Variants in SLC6A6 observed in about 807,000 individuals in gnomAD.
The protein encoded by SLC6A6 is solute carrier family 6 member 6.
SLC6A6 carries 16 observed loss-of-function variants against 68.8 expected under a neutral mutation model. The observed-to-expected ratio is 0.23, with a 90% confidence interval of 0.16 to 0.35. SLC6A6 has a LOEUF of 0.35. SLC6A6 is among the 10% of genes least tolerant of loss of function. The pLI is 1.00. For missense variants in SLC6A6, 474 were observed against 802.8 expected (o/e 0.59, Z 4.95); for synonymous variants, 312 against 315.4 (o/e 0.99, Z 0.12).
At position 14,402,654 on chromosome 3, in the gene SLC6A6, C is replaced by G. The variant is rs1286807424; in HGVS notation, c.-247C>G. On this transcript the variant is annotated 5_prime_UTR_variant, in exon 1 of 15. Coordinates refer to ENST00000622186, the MANE Select transcript of SLC6A6 (RefSeq NM_003043.6). The surrounding 1 kb of genome is among the most constrained non-coding windows in gnomAD (Gnocchi z 4.8). ...GACACGCGAGGTCAGGAAGAAGCCGCTTATAAATTACCGCTTCCTTCGCGC... is the reference window on the plus strand; with the variant it reads ...GACACGCGAGGTCAGGAAGAAGCCGGTTATAAATTACCGCTTCCTTCGCGC... 1 of 398,106 alleles carries G rather than the reference C, an allele frequency of 2.5e-6. No homozygotes were observed. The highest frequency in any genetic ancestry group is 2.1e-5 in the African/African-American group (1 of 48,596). 24.7% of individuals were successfully genotyped at this position (398,106 alleles called of 1,614,324 possible).
chr3:14,447,372 CT>C (rs1366474156), intron 4 of SLC6A6, among the ~76,000 whole-genome samples: 1 of 152,236 alleles, frequency 6.6e-6, no homozygotes, highest in African/African-American at 2.4e-5. Flanking sequence ...CCCCTGCCCC[CT>C]GCCATCCATC....
intron 14 of SLC6A6, 43 bp from the exon 15 acceptor site, chr3:14,484,824 G>T: frequency 6.2e-7 from 1 of 1,600,720 alleles, no homozygotes; most frequent in South Asian, 1.1e-5. Context: ...GGGAGACCAG[G>T]CCGCCTGACG....
In SLC6A6 at chr3:14,402,714, C is replaced by T; in HGVS notation, c.-187C>T. On this transcript the variant is annotated 5_prime_UTR_variant, in exon 1 of 15. Coordinates refer to ENST00000622186, the MANE Select transcript of SLC6A6 (RefSeq NM_003043.6). The surrounding 1 kb of genome is among the most constrained non-coding windows in gnomAD (Gnocchi z 4.8). ...CGCCGAGCCCCGAGGACCGCAAGCCCAGAGGACAAGCTGCGCCAAGAGGGA... is the reference window on the plus strand; with the variant it reads ...CGCCGAGCCCCGAGGACCGCAAGCCTAGAGGACAAGCTGCGCCAAGAGGGA... 5.0e-6 allele frequency: 2 copies of T among 398,220 alleles called. No homozygotes were observed. The highest frequency in any genetic ancestry group is 8.9e-6 in the Non-Finnish European group (2 of 225,766). The allele number at this position is 398,220 out of a possible 1,614,324, so 24.7% of individuals were successfully genotyped here.
chr3:14,411,209 A>T (rs1480571210), intron 1 of SLC6A6: 1 of 152,284 alleles, frequency 6.6e-6, no homozygotes, highest in Non-Finnish European at 1.5e-5. Context: ...CTGGCATTGG[A>T]GGCCCTTCAC....
chr3:14,466,748 G>A lies in SLC6A6; in HGVS notation c.867+98G>A, dbSNP rs1293376808. 9.0e-6 allele frequency: 11 copies of A among 1,222,600 alleles called. No individual in the cohort carries two copies. The East Asian group carries it at 9.9e-5, about 11-fold the overall frequency. The allele number at this position is 1,222,600 out of a possible 1,614,324, so 75.7% of individuals were successfully genotyped here. The stretch of plus-strand genomic sequence containing the variant: ...AGAGGCCACTGGCAGCACATCTTCC[G>A]TGGTTCTTCAGTGCACAGGTCTAGC... On this transcript the variant is annotated intron_variant, in intron 7 of 14. Transcript: ENST00000622186.
chr3:14,416,857 G>T (rs1350608658), intron 2 of SLC6A6, among the ~76,000 whole-genome samples: 1 of 152,212 alleles, frequency 6.6e-6, no homozygotes, highest in Non-Finnish European at 1.5e-5. Context: ...GTTTGTTTTT[G>T]TTTTGAGACA....
chr3:14,402,866 G>A lies in SLC6A6; in HGVS notation c.-54+19G>A, dbSNP rs1231837371. 1 of 394,524 alleles carries A rather than the reference G, an allele frequency of 2.5e-6. No homozygotes were observed. The highest frequency in any genetic ancestry group is 2.1e-5 in the African/African-American group (1 of 48,400). The allele number at this position is 394,524 out of a possible 1,614,324, so 24.4% of individuals were successfully genotyped here. On this transcript the variant is annotated intron_variant, in intron 1 of 14. Coordinates refer to ENST00000622186, the MANE Select transcript of SLC6A6 (RefSeq NM_003043.6). The surrounding 1 kb of genome is among the most constrained non-coding windows in gnomAD (Gnocchi z 4.8). ...ACCCCAGGTACCGGAGGGACCGGGA[G>A]CTGGGCGCGCAGCCGGCGCTGCCCG...
At chr3:14,419,785 A>G (rs763368236) in intron 2 of SLC6A6, among the ~76,000 whole-genome samples, 2 of 151,610 alleles carry the variant, frequency 1.3e-5, no homozygotes, top group Non-Finnish European at 2.9e-5. Flanking sequence ...TTTATCCCCC[A>G]AGGTGAGCCC....
At chr3:14,411,898 C>T (rs1699259993) in intron 1 of SLC6A6, among the ~76,000 whole-genome samples, 2 of 152,152 alleles carry the variant, frequency 1.3e-5, no homozygotes, top group African/African-American at 4.8e-5. Flanking sequence ...GGGCTATGGA[C>T]GTCAGACAAA....
chr3:14,403,153 A>T (rs1398553850), intron 1 of SLC6A6, among the ~76,000 whole-genome samples: 1 of 149,414 alleles, frequency 6.7e-6, no homozygotes, highest in Non-Finnish European at 1.5e-5. Flanking sequence ...CTCCGTCAGG[A>T]TGCCTACATG....
intron 5 of SLC6A6, among the ~76,000 whole-genome samples, chr3:14,453,264 A>G (rs1431056369): frequency 2.0e-5 from 3 of 152,242 alleles, no homozygotes; most frequent in Non-Finnish European, 4.4e-5. Context: ...ACGTCCAGGC[A>G]GTTCTTTTTT....
rs1700769481 is a variant in SLC6A6, at chr3:14,472,278, T to G, written c.1170T>G (p.Leu390=). 3.7e-6 allele frequency: 6 copies of G among 1,613,394 alleles called. 1 individual carries two copies. Among genetic ancestry groups the G allele is most frequent in the Non-Finnish European group, 5.1e-6 (6 of 1,179,418 alleles). ...CGCTGCCCACATTTTGGTCCATTCTTTTTTTTATTATGCTTCTCTTGCTTG... is the reference window on the plus strand; with the variant it reads ...CGCTGCCCACATTTTGGTCCATTCTGTTTTTTATTATGCTTCTCTTGCTTG... ...MMPLPTFWSI[L]FFIMLLLLGL... The change falls in exon 10 of 15, where the codon CTT becomes CTG. Residue 390 remains leucine, a synonymous_variant. Coordinates refer to ENST00000622186, the MANE Select transcript of SLC6A6 (RefSeq NM_003043.6). The surrounding 1 kb of genome is among the most constrained non-coding windows in gnomAD (Gnocchi z 4.5).
chr3:14,420,724 T>A (rs1699467052), intron 2 of SLC6A6, among the ~76,000 whole-genome samples: 2 of 152,168 alleles, frequency 1.3e-5, no homozygotes, highest in Admixed American at 6.5e-5. Context: ...GCTCAAGTGA[T>A]CCTTCTGACT....
intron 6 of SLC6A6, among the ~76,000 whole-genome samples, chr3:14,465,765 A>G (rs1390073231): frequency 6.6e-6 from 1 of 152,230 alleles, no homozygotes; most frequent in Non-Finnish European, 1.5e-5. Flanking sequence ...GGCACATGCC[A>G]TGGTTGGCAA....
intron 2 of SLC6A6, among the ~76,000 whole-genome samples, chr3:14,428,534 A>G (rs1234591127): frequency 6.6e-6 from 1 of 152,204 alleles, no homozygotes; most frequent in Non-Finnish European, 1.5e-5. Context: ...AGGTACTGTT[A>G]TTACTCCCAT....
At position 14,477,925 on chromosome 3, in the gene SLC6A6, C is replaced by T. The variant is rs1377361209; in HGVS notation, c.1348-541C>T. ...AAGACGTGTCTAGCAAGAGGCAAGC[C>T]AGATGAGATAAAGATTGTACTAAGA... On this transcript the variant is annotated intron_variant, in intron 11 of 14. Coordinates refer to ENST00000622186, the MANE Select transcript of SLC6A6 (RefSeq NM_003043.6). This position sits in a 1 kb window ranked among gnomAD's most constrained non-coding sequence, Gnocchi z 4.2. 6.6e-6 allele frequency among the ~76,000 whole-genome samples: 1 copy of T among 152,088 alleles called. No individual in the cohort carries two copies. Among genetic ancestry groups the T allele is most frequent in the East Asian group, 1.9e-4 (1 of 5,184 alleles).
At chr3:14,454,177 A>G (rs1700316495) in intron 5 of SLC6A6, among the ~76,000 whole-genome samples, 1 of 152,160 alleles carries the variant, frequency 6.6e-6, no homozygotes. Flanking sequence ...ATAGGTATTG[A>G]TAGATTCCCT....
chr3:14,484,809 C>T (rs749021029), intron 14 of SLC6A6, 58 bp from the exon 15 acceptor site: 23 of 1,584,926 alleles, frequency 1.5e-5, no homozygotes, highest in East Asian at 2.3e-5. Flanking sequence ...ATGGCCCTGG[C>T]GAAGGGGAGA....
rs1296812866 is a variant in SLC6A6, at chr3:14,488,919, T to G, written c.*3912T>G. 1 of 152,644 alleles carries G rather than the reference T, an allele frequency of 6.6e-6. No homozygotes were observed. Among genetic ancestry groups the G allele is most frequent in the Non-Finnish European group, 1.5e-5 (1 of 68,046 alleles). 9.5% of individuals were successfully genotyped at this position (152,644 alleles called of 1,614,324 possible). On this transcript the variant is annotated 3_prime_UTR_variant, in exon 15 of 15. Transcript: ENST00000622186. ...ATTGAGATGTTGGCTTCATTTTTTT[T>G]TTTTACCCAATTAATCTCCCAATCC...
Sources: allele counts gnomAD v4.1 joint callset (sites outside exome capture counted in the v4.1 genomes callset), GRCh38; gene constraint gnomAD v4.1.1; non-coding constraint Gnocchi (gnomAD v3.1); transcripts MANE v1.5; gene names NCBI Gene and HGNC (gene_info 2026-07-23, HGNC 2026-07-21).